KCNQ1: variants seen among roughly 807,000 people sequenced by gnomAD.
The protein encoded by KCNQ1 is potassium voltage-gated channel subfamily Q member 1.
A neutral mutation model predicts 72.4 loss-of-function variants in KCNQ1; 49 were observed. The ratio of observed to expected loss-of-function variants is 0.68; its 90% CI spans 0.54 to 0.86. KCNQ1 has a LOEUF of 0.86. KCNQ1 is among the 40% of genes least tolerant of loss of function. The pLI, the probability that KCNQ1 is intolerant of heterozygous loss-of-function variation, is 0.00. For missense variants in KCNQ1, 790 were observed against 945.1 expected (o/e 0.84, Z 2.15); for synonymous variants, 450 against 412.6 (o/e 1.09, Z -1.10).
chr11:2,691,523 A>T lies in KCNQ1; in HGVS notation c.1514+29442A>T. 2.5e-6 allele frequency: 1 copy of T among 398,446 alleles called. No homozygotes were observed. The highest frequency in any genetic ancestry group is 4.4e-6 in the Non-Finnish European group (1 of 226,054). 24.7% of individuals were successfully genotyped at this position (398,446 alleles called of 1,614,324 possible). ...CATTTTTCAGCTTGCTTGGCTTTGCATTAAAGTTGGGGGGATTTCTCTATC... is the reference window on the plus strand; with the variant it reads ...CATTTTTCAGCTTGCTTGGCTTTGCTTTAAAGTTGGGGGGATTTCTCTATC... On this transcript the variant is annotated intron_variant, in intron 11 of 15. Transcript: ENST00000155840. The surrounding 1 kb of genome is among the most constrained non-coding windows in gnomAD (Gnocchi z 6.4).
intron 10 of KCNQ1, chr11:2,614,978 T>C (rs1237152073): frequency 2.5e-6 from 1 of 398,354 alleles, no homozygotes; most frequent in East Asian, 3.6e-5. Context: ...TGTAGATCAC[T>C]GGGTAATATC....
In KCNQ1 at chr11:2,745,713, G is replaced by A. The variant is rs991748357; in HGVS notation, c.1515-23131G>A. Among the ~76,000 whole-genome samples the A allele has an allele frequency of 3.3e-4, 51 of 152,278 alleles. No individual in the cohort carries two copies. Among genetic ancestry groups the A allele is most frequent in the African/African-American group, 7.9e-4 (33 of 41,566 alleles). On this transcript the variant is annotated intron_variant, in intron 11 of 15. Coordinates refer to ENST00000155840, the MANE Select transcript of KCNQ1 (RefSeq NM_000218.3). The surrounding 1 kb of genome is among the most constrained non-coding windows in gnomAD (Gnocchi z 6.2). ...CGGAGGCAGGGGCTTCCTCTGACAC[G>A]ATACAGGGATTTGCTGACGGTTCCT...
chr11:2,777,587 G>A (rs1339927416), intron 14 of KCNQ1: 3 of 529,962 alleles, frequency 5.7e-6, no homozygotes, highest in Admixed American at 3.8e-5. Context: ...CAGCAGCCAC[G>A]GCTCATAGTG....
chr11:2,490,455 C>T (rs913971732), intron 1 of KCNQ1, among the ~76,000 whole-genome samples: 2 of 152,166 alleles, frequency 1.3e-5, no homozygotes, highest in South Asian at 2.1e-4. Context: ...GTAGTGCTTA[C>T]AGCGGGCCTT....
chr11:2,654,251 C>T lies in KCNQ1; in HGVS notation c.1394-7710C>T, dbSNP rs952648063. 2.5e-6 allele frequency: 1 copy of T among 398,764 alleles called. No homozygotes were observed. Among genetic ancestry groups the T allele is most frequent in the Admixed American group, 4.4e-5 (1 of 22,732 alleles). The allele number at this position is 398,764 out of a possible 1,614,324, so 24.7% of individuals were successfully genotyped here. A position where few individuals can be genotyped will look rare whatever the true frequency, so the allele number is the denominator to read the frequency against. On this transcript the variant is annotated intron_variant, in intron 10 of 15. Transcript: ENST00000155840. This position sits in a 1 kb window ranked among gnomAD's most constrained non-coding sequence, Gnocchi z 6.4. Reference sequence around the variant, plus strand: ...CGGATGCCCCTGGGGAGGGCTTCTCCTTCACAGTGCAGGATCCGCAGGGCT... The same window carrying T: ...CGGATGCCCCTGGGGAGGGCTTCTCTTTCACAGTGCAGGATCCGCAGGGCT...
intron 15 of KCNQ1, among the ~76,000 whole-genome samples, chr11:2,804,865 G>A (rs1446185298): frequency 6.6e-6 from 1 of 152,184 alleles, no homozygotes. Context: ...TGAGGCACGG[G>A]CCCACAGTTG....
rs1333546851 is a variant in KCNQ1, at chr11:2,670,729, C to CT, written c.1514+8649dup. 4.8e-5 allele frequency: 19 copies of CT among 398,452 alleles called. No homozygotes were observed. The allele number at this position is 398,452 out of a possible 1,614,324, so 24.7% of individuals were successfully genotyped here. A position where few individuals can be genotyped will look rare whatever the true frequency, so the allele number is the denominator to read the frequency against. ...GGCCCATGGAGCAGGAGGGAACAGT[C>CT]TGCAGATATTATCTGGGCACTGGCC... On this transcript the variant is annotated intron_variant, in intron 11 of 15. Transcript: ENST00000155840. The surrounding 1 kb of genome is among the most constrained non-coding windows in gnomAD (Gnocchi z 4.9).
Position 2,620,063 on chromosome 11 carries a change from C to T in KCNQ1, c.1393+31209C>T, listed in dbSNP as rs1053068726. The T allele has an allele frequency of 5.0e-6, 2 of 397,996 alleles. No individual in the cohort carries two copies. Among genetic ancestry groups the T allele is most frequent in the Non-Finnish European group, 8.8e-6 (2 of 226,010 alleles). The allele number at this position is 397,996 out of a possible 1,614,324, so 24.7% of individuals were successfully genotyped here. A position where few individuals can be genotyped will look rare whatever the true frequency, so the allele number is the denominator to read the frequency against. Reference sequence around the variant, plus strand: ...AGTGTCTACTGATCATCTTTATGTCCATGTTTACTCAGTGTTTAGGTCCCA... The same window carrying T: ...AGTGTCTACTGATCATCTTTATGTCTATGTTTACTCAGTGTTTAGGTCCCA... On this transcript the variant is annotated intron_variant, in intron 10 of 15. Coordinates refer to ENST00000155840, the MANE Select transcript of KCNQ1 (RefSeq NM_000218.3). The surrounding 1 kb of genome is among the most constrained non-coding windows in gnomAD (Gnocchi z 4.5).
chr11:2,539,999 C>T (rs758239769), intron 2 of KCNQ1, among the ~76,000 whole-genome samples: 44 of 152,164 alleles, frequency 2.9e-4, no homozygotes, highest in Non-Finnish European at 4.3e-4. Flanking sequence ...CTGAGCAGGC[C>T]GGGCGCAGGC....
At chr11:2,705,348 A>G (rs1850889962) in intron 11 of KCNQ1, among the ~76,000 whole-genome samples, 1 of 151,952 alleles carries the variant, frequency 6.6e-6, no homozygotes, top group Non-Finnish European at 1.5e-5. Context: ...GTGTGTGTAT[A>G]TGTTTGGGCA....
At position 2,516,502 on chromosome 11, in the gene KCNQ1, G is replaced by A. The variant is rs1391625084; in HGVS notation, c.387-11426G>A. 6.6e-6 allele frequency among the ~76,000 whole-genome samples: 1 copy of A among 152,136 alleles called. No homozygotes were observed. Among genetic ancestry groups the A allele is most frequent in the Non-Finnish European group, 1.5e-5 (1 of 68,022 alleles). On this transcript the variant is annotated intron_variant, in intron 1 of 15. Transcript: ENST00000155840. This position sits in a 1 kb window ranked among gnomAD's most constrained non-coding sequence, Gnocchi z 7.0. Reference sequence around the variant, plus strand: ...AAATTGGCCCCCAGAAAGCCTTTGAGATGGACAGGGAGCTGGACCTTCCCA... The same window carrying A: ...AAATTGGCCCCCAGAAAGCCTTTGAAATGGACAGGGAGCTGGACCTTCCCA...
intron 2 of KCNQ1, among the ~76,000 whole-genome samples, chr11:2,531,809 C>T (rs1847638446): frequency 6.6e-6 from 1 of 152,186 alleles, no homozygotes; most frequent in African/African-American, 2.4e-5. Flanking sequence ...TGCCTCCCTG[C>T]CACACCTTGC....
chr11:2,577,670 T>C (rs1338609683), intron 6 of KCNQ1, among the ~76,000 whole-genome samples: 1 of 152,202 alleles, frequency 6.6e-6, no homozygotes, highest in Non-Finnish European at 1.5e-5. Flanking sequence ...CCCTGAGAGT[T>C]TGCCAGCCTG....
chr11:2,747,874 G>A (rs1427981926), intron 11 of KCNQ1, among the ~76,000 whole-genome samples: 1 of 152,094 alleles, frequency 6.6e-6, no homozygotes, highest in Non-Finnish European at 1.5e-5. Context: ...CAGGAGCCAG[G>A]AACCAGCTTC....
chr11:2,689,327 C>T (rs975758172), intron 11 of KCNQ1: 3 of 398,682 alleles, frequency 7.5e-6, no homozygotes, highest in Non-Finnish European at 1.3e-5. Context: ...AGGACTGCCC[C>T]TATCCGCAGA....
intron 15 of KCNQ1, among the ~76,000 whole-genome samples, chr11:2,823,112 G>A (rs2134056934): frequency 6.6e-6 from 1 of 152,200 alleles, no homozygotes; most frequent in Admixed American, 6.5e-5. Context: ...GGCCCACTGA[G>A]AACCTCTAGC....
At position 2,620,168 on chromosome 11, in the gene KCNQ1, A is replaced by G. The variant is rs1849142063; in HGVS notation, c.1393+31314A>G. 7.6e-6 allele frequency: 3 copies of G among 394,960 alleles called. No individual in the cohort carries two copies. Among genetic ancestry groups the G allele is most frequent in the African/African-American group, 6.2e-5 (3 of 48,270 alleles). 24.5% of individuals were successfully genotyped at this position (394,960 alleles called of 1,614,324 possible). On this transcript the variant is annotated intron_variant, in intron 10 of 15. Transcript: ENST00000155840. This position sits in a 1 kb window ranked among gnomAD's most constrained non-coding sequence, Gnocchi z 4.5. ...AAGATAGTGGCCTCTAGCTGCATCC[A>G]TGTTGCTGCAAAGGACGTAAGTTCA... is the stretch of plus-strand genomic sequence containing the variant.
chr11:2,714,111 T>C (rs1851050421), intron 11 of KCNQ1, among the ~76,000 whole-genome samples: 1 of 152,234 alleles, frequency 6.6e-6, no homozygotes, highest in Non-Finnish European at 1.5e-5. Context: ...CTCCTGTTGC[T>C]GGGGCCTGCT....
chr11:2,638,025 T>G (rs1302641499), intron 10 of KCNQ1: 1 of 152,268 alleles, frequency 6.6e-6, no homozygotes, highest in Non-Finnish European at 1.5e-5. Context: ...ATTTTCCATT[T>G]GCTTGGTAGA....
Sources: allele counts gnomAD v4.1 joint callset (sites outside exome capture counted in the v4.1 genomes callset), GRCh38; gene constraint gnomAD v4.1.1; non-coding constraint Gnocchi (gnomAD v3.1); transcripts MANE v1.5; gene names NCBI Gene and HGNC (gene_info 2026-07-23, HGNC 2026-07-21).